The following SYNE2 variants were observed in gnomAD, a reference collection of about 807,000 sequenced individuals.
The protein encoded by SYNE2 is spectrin repeat containing nuclear envelope protein 2.
In SYNE2, 431 loss-of-function variants were observed where a neutral mutation model predicts 856.3. The observed-to-expected ratio is 0.50, with a 90% CI of 0.47 to 0.55. The LOEUF is 0.55. Ranked by LOEUF, SYNE2 falls within the 20% of genes least tolerant of loss-of-function variation. The probability of loss-of-function intolerance (pLI) is 0.00; values close to 1 mark genes in which losing one functional copy is unlikely to be tolerated. For synonymous variants in SYNE2, 2,923 were observed against 2,872.3 expected (o/e 1.02, Z -0.56); for missense variants, 8,129 against 8,023.2 (o/e 1.01, Z -0.50).
intron 51 of SYNE2, among the ~76,000 whole-genome samples, chr14:64,068,676 A>G (rs1199366257): frequency 6.6e-6 from 1 of 151,964 alleles, no homozygotes; most frequent in Non-Finnish European, 1.5e-5. Context: ...CCTGGCCAAG[A>G]TGGTGAAACC....
chr14:64,087,822 T>C lies in SYNE2; in HGVS notation c.11636T>C (p.Met3879Thr). Reference protein sequence around the residue: ...NQVTALQQKIMESLPQIQRMA... With the variant: ...NQVTALQQKITESLPQIQRMA... ...GTAACAGCTTTACAACAAAAAATAA[T>C]GGAAAGCCTTCCACAGATTCAGCGA... Residue 3879 changes from methionine (M) to threonine (T), a missense_variant, in exon 58 of 116, where the codon ATG becomes ACG. Transcript: ENST00000555002. 1 of 1,614,122 alleles carries C rather than the reference T, an allele frequency of 6.2e-7. No homozygotes were observed. The highest frequency in any genetic ancestry group is 8.5e-7 in the Non-Finnish European group (1 of 1,179,980).
Position 64,098,779 on chromosome 14 carries a change from A to C in SYNE2, c.12339A>C (p.Ala4113=). The C allele has an allele frequency of 6.2e-7, 1 of 1,614,196 alleles. No homozygotes were observed. The highest frequency in any genetic ancestry group is 2.2e-5 in the East Asian group (1 of 44,890). The change falls in exon 63 of 116, where the codon GCA becomes GCC. Residue 4113 remains alanine, a synonymous_variant. Coordinates refer to ENST00000555002, the MANE Select transcript of SYNE2 (RefSeq NM_182914.3). Reference sequence around the variant, plus strand: ...GAAGAGGCTCCATGTCTTACCTGGCAGCAGTCGAGGAAGAGGTGGAAGAAA... The same window carrying C: ...GAAGAGGCTCCATGTCTTACCTGGCCGCAGTCGAGGAAGAGGTGGAAGAAA... ...LNRRGSMSYL[A]AVEEEVEESS... is the part of the protein sequence containing the mutation.
At chr14:64,161,393 A>G (rs1228540029) in intron 87 of SYNE2, among the ~76,000 whole-genome samples, 1 of 152,148 alleles carries the variant, frequency 6.6e-6, no homozygotes, top group African/African-American at 2.4e-5. Flanking sequence ...GAGTCTGTAT[A>G]TGGAATAATA....
In SYNE2 at chr14:64,089,607, A is replaced by G. The variant is rs909725905; in HGVS notation, c.11704A>G (p.Met3902Val). The G allele has an allele frequency of 3.1e-6, 5 of 1,610,554 alleles. No homozygotes were observed. Among genetic ancestry groups the G allele is most frequent in the East Asian group, 4.5e-5 (2 of 44,690 alleles). ...VVAIESEVKS[M>V]EKRVSKIKTI... Reference sequence around the variant, plus strand: ...TGCTATTGAATCTGAAGTAAAATCAATGGAAAAAAGAGTTTCAAAAATCAA... The same window carrying G: ...TGCTATTGAATCTGAAGTAAAATCAGTGGAAAAAAGAGTTTCAAAAATCAA... Residue 3902 changes from methionine to valine, a missense_variant, in exon 59 of 116, where the codon ATG (methionine) becomes GTG (valine). Physicochemically the swap from Met to Val is conservative, Grantham distance 21. Coordinates refer to ENST00000555002, the MANE Select transcript of SYNE2 (RefSeq NM_182914.3).
chr14:63,782,450 A>G (rs1887352848), intron 1 of SYNE2, among the ~76,000 whole-genome samples: 1 of 134,714 alleles, frequency 7.4e-6, no homozygotes, highest in South Asian at 2.5e-4. Flanking sequence ...CCTGCCAACA[A>G]GAGTGAAACT....
Position 64,018,632 on chromosome 14 carries a change from G to T in SYNE2, c.5049+876G>T, listed in dbSNP as rs140242961. Among the ~76,000 whole-genome samples, 162 of 152,302 alleles carry T rather than the reference G, an allele frequency of 1.1e-3. 3 individuals are homozygous for T. The South Asian group carries it at 0.015, about 14-fold the overall frequency. ...ACAACTGTTCAACCCTGCTGTTGGA[G>T]AATTGAAAACAGCGAGAGACAATAT... On this transcript the variant is annotated intron_variant, in intron 34 of 115. Transcript: ENST00000555002.
chr14:63,931,711 TG>T (rs553178292), intron 2 of SYNE2, among the ~76,000 whole-genome samples: 76 of 152,338 alleles, frequency 5.0e-4, no homozygotes, highest in African/African-American at 1.5e-3. Context: ...TTATTGAGGA[TG>T]TTTTTTTCTA....
rs530004243 is a variant in SYNE2, at chr14:64,126,424, T to A, written c.13652T>A (p.Leu4551Gln). Residue 4551 changes from leucine to glutamine, a missense_variant, in exon 72 of 116, where the codon CTG (leucine) becomes CAG (glutamine). By Grantham distance (113) the Leu-to-Gln change is moderately radical (BLOSUM62 -2). Coordinates refer to ENST00000555002, the MANE Select transcript of SYNE2 (RefSeq NM_182914.3). Reference sequence around the variant, plus strand: ...TGCCTCAGCAGTGTGGAGGAGATGCTGGAGATGCCCAGACTTTACAGGGAG... The same window carrying A: ...TGCCTCAGCAGTGTGGAGGAGATGCAGGAGATGCCCAGACTTTACAGGGAG... ...SQCLSSVEEMLEMPRLYREDG... is the reference protein window; with the variant it reads ...SQCLSSVEEMQEMPRLYREDG... 1 of 1,614,168 alleles carries A rather than the reference T, an allele frequency of 6.2e-7. No homozygotes were observed. Among genetic ancestry groups the A allele is most frequent in the South Asian group, 1.1e-5 (1 of 91,088 alleles).
At chr14:64,110,299 T>G (rs542772961) in intron 65 of SYNE2, among the ~76,000 whole-genome samples, 4 of 152,342 alleles carry the variant, frequency 2.6e-5, no homozygotes, top group African/African-American at 9.6e-5. Context: ...CTTCACTGAT[T>G]ACTTAGATCA....
intron 1 of SYNE2, among the ~76,000 whole-genome samples, chr14:63,818,083 C>A: frequency 6.8e-6 from 1 of 146,000 alleles, no homozygotes; most frequent in Non-Finnish European, 1.5e-5. Flanking sequence ...AAGTGGCTCA[C>A]GCCTGTGATC....
intron 100 of SYNE2, among the ~76,000 whole-genome samples, chr14:64,205,670 G>A (rs1567638566): frequency 6.6e-6 from 1 of 152,082 alleles, no homozygotes; most frequent in East Asian, 1.9e-4. Flanking sequence ...TTCTTATATA[G>A]AACACCTTTA....
At chr14:63,855,331 C>T (rs1891435226) in intron 1 of SYNE2, among the ~76,000 whole-genome samples, 1 of 152,166 alleles carries the variant, frequency 6.6e-6, no homozygotes, top group Non-Finnish European at 1.5e-5. Flanking sequence ...GTTCAAAACC[C>T]TCCATTGGCT....
In SYNE2 at chr14:63,998,455, AT is replaced by A. The variant is rs1359110302; in HGVS notation, c.3353+129del. On this transcript the variant is annotated intron_variant, in intron 26 of 115. Coordinates refer to ENST00000555002, the MANE Select transcript of SYNE2 (RefSeq NM_182914.3). ...TTGCATATGATCCAGTAACTTAGAA[AT>A]TCTATGGTATTTTCTCACACGCAGT... The A allele has an allele frequency of 5.6e-5, 37 of 664,782 alleles. No individual in the cohort carries two copies. The African/African-American group carries it at 6.3e-4, about 11-fold the overall frequency. 41.2% of individuals were successfully genotyped at this position (664,782 alleles called of 1,614,324 possible). A position where few individuals can be genotyped will look rare whatever the true frequency, so the allele number is the denominator to read the frequency against.
chr14:64,040,302 G>T (rs2097138052), intron 45 of SYNE2, among the ~76,000 whole-genome samples: 1 of 152,050 alleles, frequency 6.6e-6, no homozygotes, highest in Non-Finnish European at 1.5e-5. Flanking sequence ...GCAGCAATCT[G>T]AAAGATATTT....
At chr14:64,166,881 C>T (rs2098382733) in intron 90 of SYNE2, 3 of 298,524 alleles carry the variant, frequency 1.0e-5, no homozygotes, top group South Asian at 3.1e-5. Flanking sequence ...TGCAGTGAGC[C>T]GAGATCATGA....
intron 1 of SYNE2, among the ~76,000 whole-genome samples, chr14:63,823,184 T>C (rs1184684004): frequency 6.7e-6 from 1 of 148,304 alleles, no homozygotes; most frequent in Non-Finnish European, 1.5e-5. Context: ...TACCAAATCT[T>C]TTTTTTTTTT....
At chr14:63,952,135 C>T (rs1350237201) in intron 7 of SYNE2, among the ~76,000 whole-genome samples, 2 of 152,236 alleles carry the variant, frequency 1.3e-5, no homozygotes, top group Middle Eastern at 3.2e-3. Flanking sequence ...CCGTTCTCCA[C>T]ATCTAAATGA....
intron 6 of SYNE2, among the ~76,000 whole-genome samples, chr14:63,947,270 A>G (rs1291418213): frequency 6.6e-6 from 1 of 152,226 alleles, no homozygotes; most frequent in Non-Finnish European, 1.5e-5. Context: ...TACATTGTAC[A>G]AAACAGTGAC....
At chr14:63,945,736 G>A (rs1439723768) in intron 6 of SYNE2, among the ~76,000 whole-genome samples, 2 of 151,834 alleles carry the variant, frequency 1.3e-5, no homozygotes, top group Admixed American at 6.6e-5. Context: ...GTGATTCTCC[G>A]ACCTCAGCCT....
Sources: gnomAD v4.1 joint callset for allele counts (sites outside exome capture counted in the v4.1 genomes callset) on GRCh38, gnomAD v4.1.1 for gene constraint, MANE v1.5 for transcripts, NCBI Gene and HGNC (gene_info 2026-07-23, HGNC 2026-07-21) for gene names.